Variants in SRGAP2C observed in about 807,000 individuals in gnomAD.
The protein encoded by SRGAP2C is SLIT-ROBO Rho GTPase activating protein 2C.
Under a neutral mutation model 25.1 loss-of-function variants are expected in SRGAP2C, and 15 were observed. That is an observed-to-expected ratio of 0.60 (90% CI 0.40 to 0.92). The LOEUF (loss-of-function observed/expected upper bound fraction) is 0.92. Among genes scored for constraint, SRGAP2C ranks in the 40% least tolerant of loss-of-function variants. The pLI, the probability that SRGAP2C is intolerant of heterozygous loss-of-function variation, is 0.00. For synonymous variants in SRGAP2C, 44 were observed against 96.6 expected, an observed-to-expected ratio of 0.46 and a Z score of 3.19; for missense variants, 144 against 264.4, an observed-to-expected ratio of 0.54 and a Z score of 3.16.
intron 2 of SRGAP2C, among the ~76,000 whole-genome samples, chr1:121,255,575 T>C (rs1656439660): frequency 6.7e-6 from 1 of 148,210 alleles, no homozygotes; most frequent in Admixed American, 6.8e-5. Flanking sequence ...AAAAGAGAAA[T>C]GAGCTTATTA....
At chr1:121,379,265 G>A (rs1322828721) in intron 7 of SRGAP2C, among the ~76,000 whole-genome samples, 1 of 152,030 alleles carries the variant, frequency 6.6e-6, no homozygotes, top group Non-Finnish European at 1.5e-5. Context: ...GTCTCTGGGT[G>A]AAGATATCAG....
intron 2 of SRGAP2C, among the ~76,000 whole-genome samples, chr1:121,222,213 A>T (rs1553325783): frequency 6.6e-6 from 1 of 152,224 alleles, no homozygotes; most frequent in Non-Finnish European, 1.5e-5. Flanking sequence ...CACAGGTCCT[A>T]GGAACTGGGA....
intron 2 of SRGAP2C, among the ~76,000 whole-genome samples, chr1:121,208,259 A>G (rs1179457257): frequency 1.3e-5 from 2 of 152,128 alleles, no homozygotes; most frequent in Non-Finnish European, 2.9e-5. Context: ...GTTAAAGTGA[A>G]TCACCTGTTG....
intron 5 of SRGAP2C, among the ~76,000 whole-genome samples, chr1:121,371,825 TA>T (rs1322408986): frequency 2.1e-5 from 3 of 140,206 alleles, no homozygotes; most frequent in Non-Finnish European, 4.6e-5. Flanking sequence ...GAAATCACTT[TA>T]AAAAAGAAAA....
chr1:121,223,031 G>C (rs1209660289), intron 2 of SRGAP2C, among the ~76,000 whole-genome samples: 2 of 151,986 alleles, frequency 1.3e-5, no homozygotes, highest in African/African-American at 4.8e-5. Flanking sequence ...CTAAATTGAT[G>C]AGATCAATTC....
chr1:121,343,120 A>AATTTT (rs1294334370), intron 4 of SRGAP2C, among the ~76,000 whole-genome samples: 3 of 152,066 alleles, frequency 2.0e-5, no homozygotes, highest in Non-Finnish European at 4.4e-5. Context: ...AATTTAATTT[A>AATTTT]ATTTTATAGT....
At position 121,284,796 on chromosome 1, in the gene SRGAP2C, G is replaced by A; in HGVS notation, c.68-7G>A. The A allele has an allele frequency of 1.5e-6, 1 of 663,540 alleles. No individual in the cohort carries two copies. The highest frequency in any genetic ancestry group is 2.1e-5 in the South Asian group (1 of 46,704). The allele number at this position is 663,540 out of a possible 1,614,324, so 41.1% of individuals were successfully genotyped here. A position where few individuals can be genotyped will look rare whatever the true frequency, so the allele number is the denominator to read the frequency against. On this transcript the variant is annotated splice_polypyrimidine_tract_variant and splice_region_variant and intron_variant, in intron 2 of 9. Coordinates refer to ENST00000367123, the MANE Select transcript of SRGAP2C (RefSeq NM_001329984.2). Reference sequence around the variant, plus strand: ...TTTCTGACTGTCTTCTCTTGTTTTTGTTGTAGAGATCCGTGCTCAGCTCAC... The same window carrying A: ...TTTCTGACTGTCTTCTCTTGTTTTTATTGTAGAGATCCGTGCTCAGCTCAC...
At chr1:121,249,564 ATATATATATATATATATTT>A (rs1175903918) in intron 2 of SRGAP2C, among the ~76,000 whole-genome samples, 32 of 31,574 alleles carry the variant, frequency 1.0e-3, no homozygotes, top group African/African-American at 4.1e-3. Context: ...ATATATATAT[ATATATATATATATATATTT>A]TTTTTTTTTT....
intron 2 of SRGAP2C, among the ~76,000 whole-genome samples, chr1:121,231,703 A>C (rs1409335716): frequency 6.8e-6 from 1 of 148,058 alleles, no homozygotes; most frequent in Non-Finnish European, 1.5e-5. Context: ...GAGCCTAGAG[A>C]AAGTAAGTGA....
At chr1:121,288,859 G>A (rs1553337207) in intron 3 of SRGAP2C, among the ~76,000 whole-genome samples, 13 of 67,878 alleles carry the variant, frequency 1.9e-4, no homozygotes, top group East Asian at 6.9e-4. Flanking sequence ...TGTATTTACA[G>A]TCCTTGAGCT....
chr1:121,218,823 G>A (rs1350200526), intron 2 of SRGAP2C, among the ~76,000 whole-genome samples: 2 of 151,748 alleles, frequency 1.3e-5, no homozygotes, highest in Non-Finnish European at 2.9e-5. Flanking sequence ...CTTAAAGTGT[G>A]GATCTTTCAA....
chr1:121,332,390 ACTTTATT>A (rs1658451655), intron 4 of SRGAP2C, among the ~76,000 whole-genome samples: 2 of 108,812 alleles, frequency 1.8e-5, no homozygotes, highest in South Asian at 7.9e-4. Context: ...GTGGTTTCCT[ACTTTATT>A]CTTGGAGGGT....
chr1:121,253,903 A>AT (rs1373580197), intron 2 of SRGAP2C, among the ~76,000 whole-genome samples: 13 of 150,450 alleles, frequency 8.6e-5, no homozygotes, highest in African/African-American at 2.9e-4. Flanking sequence ...CTATAAATTA[A>AT]TTTTTTTATT....
chr1:121,307,963 A>C (rs1657882871), intron 3 of SRGAP2C, among the ~76,000 whole-genome samples: 1 of 151,266 alleles, frequency 6.6e-6, no homozygotes, highest in South Asian at 2.1e-4. Context: ...CTTGCCTTTC[A>C]TGTGTAACCA....
At chr1:121,335,573 C>T (rs1234635011) in intron 4 of SRGAP2C, among the ~76,000 whole-genome samples, 78,374 of 139,112 alleles carry the variant, frequency 0.56, 21,320 homozygotes, top group East Asian at 0.79. Flanking sequence ...GTGATCCTCC[C>T]ACCTCAGCTT....
chr1:121,201,695 G>A (rs1570700273), intron 2 of SRGAP2C, among the ~76,000 whole-genome samples: 1 of 152,250 alleles, frequency 6.6e-6, no homozygotes, highest in Non-Finnish European at 1.5e-5. Flanking sequence ...GGATACTTGT[G>A]TTCTGCAGGC....
In SRGAP2C at chr1:121,233,045, G is replaced by A. The variant is rs199592402; in HGVS notation, c.67+45532G>A. Among the ~76,000 whole-genome samples the A allele has an allele frequency of 7.0e-4, 80 of 113,846 alleles. 1 individual carries two copies. The highest frequency in any genetic ancestry group is 1.8e-3 in the South Asian group (5 of 2,804). The allele number at this position is 113,846 out of a possible 152,430, so 74.7% of individuals were successfully genotyped here. A position where few individuals can be genotyped will look rare whatever the true frequency, so the allele number is the denominator to read the frequency against. On this transcript the variant is annotated intron_variant, in intron 2 of 9. Coordinates refer to ENST00000367123, the MANE Select transcript of SRGAP2C (RefSeq NM_001329984.2). Reference sequence around the variant, plus strand: ...TTTAGCCCTCTAAGTGATCAGATCCGCCTCACTGTCACTCATGGGAGCCCT... The same window carrying A: ...TTTAGCCCTCTAAGTGATCAGATCCACCTCACTGTCACTCATGGGAGCCCT...
At chr1:121,238,357 T>C (rs1230005387) in intron 2 of SRGAP2C, among the ~76,000 whole-genome samples, 1 of 151,432 alleles carries the variant, frequency 6.6e-6, no homozygotes, top group African/African-American at 2.4e-5. Context: ...TGTACTCCTG[T>C]TGATTGATTA....
At chr1:121,228,913 G>A (rs1570721322) in intron 2 of SRGAP2C, among the ~76,000 whole-genome samples, 1 of 152,058 alleles carries the variant, frequency 6.6e-6, no homozygotes, top group South Asian at 2.1e-4. Flanking sequence ...CCTCCATACT[G>A]TGGGGGTGTT....
Sources: allele counts gnomAD v4.1 joint callset (sites outside exome capture counted in the v4.1 genomes callset), GRCh38; gene constraint gnomAD v4.1.1; transcripts MANE v1.5; gene names NCBI Gene and HGNC (gene_info 2026-07-23, HGNC 2026-07-21).